Variants in ATG16L1 observed in about 807,000 individuals in gnomAD.
ATG16L1 encodes the protein autophagy related 16 like 1.
In ATG16L1, 37 loss-of-function variants were observed where a neutral mutation model predicts 88.5. The observed-to-expected ratio is 0.42, with a 90% CI of 0.32 to 0.55. The LOEUF (loss-of-function observed/expected upper bound fraction) is 0.55. ATG16L1 is among the 20% of genes least tolerant of loss of function. The pLI, the probability that ATG16L1 is intolerant of heterozygous loss-of-function variation, is 0.13. For missense variants in ATG16L1, 554 were observed against 752.8 expected (o/e 0.74, Z 3.09); for synonymous variants, 301 against 281.0 (o/e 1.07, Z -0.71).
intron 4 of ATG16L1, 107 bp downstream of exon 4, chr2:233,264,172 C>T (rs1697406972): frequency 9.2e-7 from 1 of 1,086,580 alleles, no homozygotes; most frequent in Non-Finnish European, 1.4e-6. Flanking sequence ...CCACAGTGCA[C>T]TTAGCGAGAG....
chr2:233,292,040 G>T, intron 14 of ATG16L1, 88 bp from the exon 15 acceptor site: 2 of 1,495,220 alleles, frequency 1.3e-6, no homozygotes, highest in East Asian at 4.5e-5. Flanking sequence ...CATGCTAGTT[G>T]AATTGCAGTG....
chr2:233,273,926 C>G, intron 8 of ATG16L1, 149 bp downstream of exon 8: 1 of 1,533,432 alleles, frequency 6.5e-7, no homozygotes, highest in African/African-American at 1.4e-5. Flanking sequence ...TAGCTTCTTC[C>G]TTTTTTCCTC....
intron 12 of ATG16L1, among the ~76,000 whole-genome samples, chr2:233,287,073 A>C (rs946888672): frequency 6.6e-6 from 1 of 152,208 alleles, no homozygotes; most frequent in Non-Finnish European, 1.5e-5. Flanking sequence ...TGTTCACTGC[A>C]ACAGCATCTG....
chr2:233,271,764 A>G (rs3828309), intron 6 of ATG16L1, among the ~76,000 whole-genome samples: 63,447 of 152,144 alleles, frequency 0.42, 14,314 homozygotes, highest in Non-Finnish European at 0.52. Flanking sequence ...GGCTCAGCTC[A>G]TATTTGCAGT....
In ATG16L1 at chr2:233,264,965, C is replaced by T; in HGVS notation, c.463C>T (p.Leu155Phe). The change falls in exon 5 of 18, where the codon CTT becomes TTT. Residue 155 changes from leucine (L) to phenylalanine (F), a missense_variant. Physicochemically the swap from Leu to Phe is conservative, Grantham distance 22 (BLOSUM62 0). Coordinates refer to ENST00000392017, the MANE Select transcript of ATG16L1 (RefSeq NM_030803.7). ...AGACCTGCGCACTAAGCTTTGTGAC[C>T]TTGAAAGAGCCAACCAGACCCTGAA... ...CLDLRTKLCD[L>F]ERANQTLKDE... 1 of 1,614,120 alleles carries T rather than the reference C, an allele frequency of 6.2e-7. No individual in the cohort carries two copies. The highest frequency in any genetic ancestry group is 1.1e-5 in the South Asian group (1 of 91,074).
chr2:233,273,082 G>A, intron 7 of ATG16L1, 30 bp downstream of exon 7: 1 of 1,579,684 alleles, frequency 6.3e-7, no homozygotes, highest in Non-Finnish European at 8.7e-7. Context: ...CCAGGGAAAA[G>A]ACAGCTTGAG....
At chr2:233,292,529 G>T (rs1699529989) in intron 16 of ATG16L1, 95 bp downstream of exon 16, 1 of 1,472,784 alleles carries the variant, frequency 6.8e-7, no homozygotes, top group African/African-American at 1.4e-5. Flanking sequence ...ATTTTGTTCA[G>T]TGCCCAACCT....
chr2:233,258,472 G>A (rs1380140074), intron 2 of ATG16L1, among the ~76,000 whole-genome samples: 2 of 152,150 alleles, frequency 1.3e-5, no homozygotes, highest in African/African-American at 4.8e-5. Flanking sequence ...CTGCCTGGCT[G>A]TGGCCCTGGG....
Position 233,282,762 on chromosome 2 carries a change from C to T in ATG16L1, c.1203+9C>T. 1 of 1,613,234 alleles carries T rather than the reference C, an allele frequency of 6.2e-7. No individual in the cohort carries two copies. The highest frequency in any genetic ancestry group is 8.5e-7 in the Non-Finnish European group (1 of 1,179,280). On this transcript the variant is annotated intron_variant, in intron 12 of 17. Coordinates refer to ENST00000392017, the MANE Select transcript of ATG16L1 (RefSeq NM_030803.7). ...ATGATTATCGATTACGGGTAAGACC[C>T]AGTTAAGAAAGTTAGTGCAATCTCC...
chr2:233,262,147 C>T (rs1048458027), intron 2 of ATG16L1, among the ~76,000 whole-genome samples: 1 of 152,194 alleles, frequency 6.6e-6, no homozygotes, highest in Admixed American at 6.5e-5. Context: ...TCATCCTTGA[C>T]TCCTATCTGT....
chr2:233,294,268 A>G lies in ATG16L1; in HGVS notation c.1742A>G (p.Asn581Ser), dbSNP rs763706397. 10 of 1,606,188 alleles carry G rather than the reference A, an allele frequency of 6.2e-6. No individual in the cohort carries two copies. Among genetic ancestry groups the G allele is most frequent in the Non-Finnish European group, 8.5e-6 (10 of 1,176,594 alleles). The change falls in exon 18 of 18, where the codon AAT (asparagine) becomes AGT (serine). Residue 581 changes from asparagine (N) to serine (S), a missense_variant. Physicochemically the swap from Asn to Ser is conservative, Grantham distance 46. Coordinates refer to ENST00000392017, the MANE Select transcript of ATG16L1 (RefSeq NM_030803.7). The part of the protein sequence containing the change: ...VLSKQHSSSI[N>S]AVAWSPSGSH... ...TCTCTCCTTTGAAGCTCATCCATCA[A>G]TGCGGTGGCGTGGTCGCCCTCTGGC...
chr2:233,295,014 G>A lies in ATG16L1; in HGVS notation c.*664G>A, dbSNP rs1292443844. The A allele has an allele frequency of 6.6e-6, 1 of 152,410 alleles. No individual in the cohort carries two copies. Among genetic ancestry groups the A allele is most frequent in the Non-Finnish European group, 1.5e-5 (1 of 68,058 alleles). The allele number at this position is 152,410 out of a possible 1,614,324, so 9.4% of individuals were successfully genotyped here. ...TTGTTTTTTTGTTTTTTTGAGGTGG[G>A]AGAGGATGTGTGAAAATCTTTTCCA... On this transcript the variant is annotated 3_prime_UTR_variant, in exon 18 of 18. Transcript: ENST00000392017.
intron 12 of ATG16L1, among the ~76,000 whole-genome samples, chr2:233,283,320 G>A (rs772010126): frequency 3.3e-5 from 5 of 152,198 alleles, no homozygotes; most frequent in East Asian, 1.9e-4. Context: ...GGCAGGGGGC[G>A]GAGGGCGAAG....
intron 11 of ATG16L1, among the ~76,000 whole-genome samples, chr2:233,281,613 A>G (rs1698724963): frequency 6.6e-6 from 1 of 152,196 alleles, no homozygotes; most frequent in Admixed American, 6.6e-5. Flanking sequence ...GGCAAGGGTT[A>G]GGGGCCATAG....
intron 8 of ATG16L1, chr2:233,274,266 A>C (rs1408800730): frequency 1.8e-6 from 1 of 543,432 alleles, no homozygotes; most frequent in Non-Finnish European, 3.2e-6. Context: ...TAGACTCCAC[A>C]TTGATCACAA....
intron 1 of ATG16L1, among the ~76,000 whole-genome samples, chr2:233,253,401 A>G (rs975835299): frequency 2.2e-5 from 3 of 134,618 alleles, no homozygotes; most frequent in Admixed American, 8.4e-5. Flanking sequence ...CTGGAGTGCA[A>G]GTGGCGTGAT....
Position 233,256,186 on chromosome 2 carries a change from A to G in ATG16L1, c.200A>G (p.His67Arg). The G allele has an allele frequency of 1.2e-6, 2 of 1,613,650 alleles. No homozygotes were observed. The highest frequency in any genetic ancestry group is 1.7e-6 in the Non-Finnish European group (2 of 1,179,544). The change falls in exon 2 of 18, where the codon CAC becomes CGC. Residue 67 changes from histidine (H) to arginine (R), a missense_variant. Physicochemically the swap from His to Arg is conservative, Grantham distance 29 (BLOSUM62 0). This residue lies in a region of ATG16L1 where 101 missense variants were observed against 107.0 expected (regional missense o/e 0.94). Transcript: ENST00000392017. The stretch of plus-strand genomic sequence containing the variant: ...GAAAAGCATGACGTACCAAACAGGC[A>G]CGAGATAAGGTATTTTGAAACTAAC... ...QAEKHDVPNRHEISPGHDGTW... is the reference protein window; with the variant it reads ...QAEKHDVPNRREISPGHDGTW...
At chr2:233,290,049 C>G (rs1340651340) in intron 13 of ATG16L1, 75 bp downstream of exon 13, 1 of 1,589,448 alleles carries the variant, frequency 6.3e-7, no homozygotes, top group East Asian at 2.3e-5. Context: ...CACGTCAGAG[C>G]CTGCATTTAT....
intron 6 of ATG16L1, among the ~76,000 whole-genome samples, chr2:233,272,724 A>C (rs1276511931): frequency 1.3e-5 from 2 of 152,258 alleles, no homozygotes; most frequent in Non-Finnish European, 2.9e-5. Context: ...AAAAGGATCA[A>C]AAGCTCACTT....
Sources: allele counts gnomAD v4.1 joint callset (sites outside exome capture counted in the v4.1 genomes callset), GRCh38; gene constraint gnomAD v4.1.1; regional missense constraint gnomAD v4.1.1; transcripts MANE v1.5; gene names NCBI Gene and HGNC (gene_info 2026-07-23, HGNC 2026-07-21).